KCNQ3: variants seen among roughly 807,000 people sequenced by gnomAD.
KCNQ3 encodes the protein potassium voltage-gated channel subfamily KQT member 3.
In KCNQ3, 30 loss-of-function variants were observed where a neutral mutation model predicts 92.5. The observed-to-expected ratio is 0.32, with a 90% confidence interval of 0.24 to 0.44. The LOEUF (loss-of-function observed/expected upper bound fraction) is 0.44, where lower values mean the gene tolerates loss of function less well. Ranked by LOEUF, KCNQ3 falls within the 20% of genes least tolerant of loss-of-function variation. The probability of loss-of-function intolerance (pLI) is 1.00; values close to 1 mark genes in which losing one functional copy is unlikely to be tolerated. For synonymous variants in KCNQ3, 450 were observed against 468.8 expected (o/e 0.96, Z 0.52); for missense variants, 913 against 1,140.3 (o/e 0.80, Z 2.87).
chr8:132,450,558 C>T (rs1821797597), intron 1 of KCNQ3, among the ~76,000 whole-genome samples: 1 of 152,170 alleles, frequency 6.6e-6, no homozygotes, highest in Non-Finnish European at 1.5e-5. Context: ...ATGATTAAAT[C>T]AATTTTGCAA....
intron 1 of KCNQ3, among the ~76,000 whole-genome samples, chr8:132,385,396 G>A (rs183131207): frequency 6.6e-6 from 1 of 152,282 alleles, no homozygotes; most frequent in Non-Finnish European, 1.5e-5. Context: ...AGACTGCAGT[G>A]GTCTGAATGT....
intron 1 of KCNQ3, among the ~76,000 whole-genome samples, chr8:132,318,769 G>C (rs1266808612): frequency 1.3e-5 from 2 of 152,216 alleles, no homozygotes; most frequent in Non-Finnish European, 2.9e-5. Context: ...ACAATTTGCT[G>C]AGTGCCAACT....
intron 1 of KCNQ3, among the ~76,000 whole-genome samples, chr8:132,389,703 C>A (rs1819997672): frequency 6.6e-6 from 1 of 152,104 alleles, no homozygotes; most frequent in Non-Finnish European, 1.5e-5. Flanking sequence ...TGGGGAAATG[C>A]AGATTAAAGC....
chr8:132,411,591 C>T (rs1471138803), intron 1 of KCNQ3, among the ~76,000 whole-genome samples: 3 of 152,112 alleles, frequency 2.0e-5, no homozygotes, highest in Non-Finnish European at 4.4e-5. Context: ...GAATCAGCAG[C>T]TCTGAATATC....
chr8:132,349,670 C>A (rs62520380), intron 1 of KCNQ3, among the ~76,000 whole-genome samples: 2 of 152,140 alleles, frequency 1.3e-5, no homozygotes, highest in Non-Finnish European at 2.9e-5. Context: ...ACAGATTCAG[C>A]CCAGGAGACC....
intron 11 of KCNQ3, 146 bp from the exon 12 acceptor site, chr8:132,138,162 T>C: frequency 1.2e-6 from 1 of 859,864 alleles, no homozygotes; most frequent in Middle Eastern, 3.4e-4. Flanking sequence ...TTGGTTCTGG[T>C]TCTACCCCTT....
At chr8:132,392,790 C>CAAAAAAAAAAAAAAAAAAAAAA (rs56183412) in intron 1 of KCNQ3, among the ~76,000 whole-genome samples, 2 of 72,648 alleles carry the variant, frequency 2.8e-5, no homozygotes, top group African/African-American at 1.4e-4. Context: ...GAACCTGTCT[C>CAAAAAAAAAAAAAAAAAAAAAA]AAAAAAAAAA....
intron 1 of KCNQ3, among the ~76,000 whole-genome samples, chr8:132,472,231 T>C (rs1029993208): frequency 4.6e-5 from 7 of 152,108 alleles, no homozygotes; most frequent in African/African-American, 1.7e-4. Context: ...AATAGAACTA[T>C]CATACCATCC....
intron 1 of KCNQ3, among the ~76,000 whole-genome samples, chr8:132,268,410 C>T (rs539510666): frequency 3.3e-5 from 5 of 152,152 alleles, no homozygotes; most frequent in Non-Finnish European, 5.9e-5. Flanking sequence ...GAGCATGTGT[C>T]ATCACACCTG....
chr8:132,317,741 C>T (rs898834735), intron 1 of KCNQ3, among the ~76,000 whole-genome samples: 2 of 151,898 alleles, frequency 1.3e-5, no homozygotes, highest in Admixed American at 6.6e-5. Context: ...TGGTGACCCC[C>T]GTGAAGTGCT....
intron 8 of KCNQ3, among the ~76,000 whole-genome samples, chr8:132,166,736 C>T (rs1207318115): frequency 6.6e-6 from 1 of 152,144 alleles, no homozygotes; most frequent in African/African-American, 2.4e-5. Flanking sequence ...GCCCCCAAAA[C>T]ACAGATACTT....
chr8:132,474,930 A>G (rs1822375550), intron 1 of KCNQ3, among the ~76,000 whole-genome samples: 1 of 152,142 alleles, frequency 6.6e-6, no homozygotes, highest in South Asian at 2.1e-4. Flanking sequence ...TGTAATCCCC[A>G]CATGTTTCCA....
chr8:132,218,497 AAAG>A (rs1454475588), intron 1 of KCNQ3, among the ~76,000 whole-genome samples: 3 of 152,234 alleles, frequency 2.0e-5, no homozygotes, highest in African/African-American at 2.4e-5. Context: ...TCATAGAATA[AAAG>A]AAGGGAGAGA....
chr8:132,407,479 T>C (rs1175896375), intron 1 of KCNQ3, among the ~76,000 whole-genome samples: 1 of 152,214 alleles, frequency 6.6e-6, no homozygotes. Context: ...ACTTCCTGCA[T>C]CTAAGAACCG....
chr8:132,153,742 C>T (rs568670150), intron 9 of KCNQ3, among the ~76,000 whole-genome samples: 1 of 152,104 alleles, frequency 6.6e-6, no homozygotes, highest in African/African-American at 2.4e-5. Context: ...AAGCCCCCCC[C>T]CCATTAACAT....
At chr8:132,228,375 G>A (rs913971926) in intron 1 of KCNQ3, among the ~76,000 whole-genome samples, 14 of 152,192 alleles carry the variant, frequency 9.2e-5, no homozygotes, top group African/African-American at 3.1e-4. Flanking sequence ...GTTATTGAGA[G>A]AGAGAGAGAG....
chr8:132,148,728 T>G (rs1038929256), intron 9 of KCNQ3, among the ~76,000 whole-genome samples: 3 of 152,232 alleles, frequency 2.0e-5, no homozygotes, highest in African/African-American at 7.2e-5. Flanking sequence ...AAGGGTGAAT[T>G]CACTCTCTTT....
chr8:132,172,514 C>T (rs1029374114), intron 7 of KCNQ3, 84 bp downstream of exon 7: 2 of 1,222,064 alleles, frequency 1.6e-6, no homozygotes, highest in Non-Finnish European at 2.4e-6. Context: ...CACATGTGCA[C>T]ACATGCACAC....
chr8:132,240,186 T>TC (rs939931723), intron 1 of KCNQ3, among the ~76,000 whole-genome samples: 1 of 149,132 alleles, frequency 6.7e-6, no homozygotes, highest in Non-Finnish European at 1.5e-5. Flanking sequence ...ATGATTCTTT[T>TC]TTTTTTTTTT....
Sources: gnomAD v4.1 joint callset for allele counts (sites outside exome capture counted in the v4.1 genomes callset) on GRCh38, gnomAD v4.1.1 for gene constraint, MANE v1.5 for transcripts, NCBI Gene and HGNC (gene_info 2026-07-23, HGNC 2026-07-21) for gene names.